Variants in UBE2E3 observed in about 807,000 individuals in gnomAD.
The protein encoded by UBE2E3 is ubiquitin conjugating enzyme E2 E3, also known as ubiquitin-conjugating enzyme E2 E3.
In UBE2E3, 5 loss-of-function variants were observed where a neutral mutation model predicts 23.6. The ratio of observed to expected loss-of-function variants is 0.21; its 90% CI spans 0.11 to 0.44. The LOEUF is 0.44. Among genes scored for constraint, UBE2E3 ranks in the 20% least tolerant of loss-of-function variants. The probability of loss-of-function intolerance (pLI) is 0.99; values close to 1 mark genes in which losing one functional copy is unlikely to be tolerated. For synonymous variants in UBE2E3, 78 were observed against 87.5 expected, an observed-to-expected ratio of 0.89 and a Z score of 0.60; for missense variants, 81 against 249.8, an observed-to-expected ratio of 0.32 and a Z score of 4.55.
intron 3 of UBE2E3, among the ~76,000 whole-genome samples, chr2:180,996,245 T>C (rs1684818128): frequency 6.6e-6 from 1 of 152,216 alleles, no homozygotes; most frequent in Non-Finnish European, 1.5e-5. Flanking sequence ...TTTTGAAAAC[T>C]GAATACTTAT....
intron 3 of UBE2E3, among the ~76,000 whole-genome samples, chr2:181,052,513 G>A (rs1255344404): frequency 6.6e-6 from 1 of 151,822 alleles, no homozygotes; most frequent in Non-Finnish European, 1.5e-5. Flanking sequence ...GCTGTTTAAG[G>A]TATATGCTCA....
chr2:181,046,272 A>G (rs1377969058), intron 3 of UBE2E3, among the ~76,000 whole-genome samples: 1 of 152,206 alleles, frequency 6.6e-6, no homozygotes, highest in Non-Finnish European at 1.5e-5. Context: ...TTCGCAGGTC[A>G]GGGATTCCGT....
At chr2:181,026,433 C>T (rs897273854) in intron 3 of UBE2E3, among the ~76,000 whole-genome samples, 4 of 151,220 alleles carry the variant, frequency 2.6e-5, no homozygotes, top group Non-Finnish European at 5.9e-5. Flanking sequence ...GCTGGTTTCT[C>T]TATCTTGTTT....
chr2:181,002,732 A>G (rs1685025544), intron 3 of UBE2E3, among the ~76,000 whole-genome samples: 1 of 152,240 alleles, frequency 6.6e-6, no homozygotes, highest in Non-Finnish European at 1.5e-5. Context: ...TTAAGGACTT[A>G]AAATAGCCAC....
chr2:181,052,350 C>T (rs978019820), intron 3 of UBE2E3, among the ~76,000 whole-genome samples: 10 of 151,738 alleles, frequency 6.6e-5, no homozygotes, highest in Non-Finnish European at 1.2e-4. Flanking sequence ...TCCTCATCCT[C>T]TTTTTCTCTT....
At chr2:181,013,943 C>CAGAT (rs1685409788) in intron 3 of UBE2E3, among the ~76,000 whole-genome samples, 3 of 152,118 alleles carry the variant, frequency 2.0e-5, no homozygotes, top group Admixed American at 2.0e-4. Flanking sequence ...AGAGCAAGAG[C>CAGAT]AGATGCTGGA....
rs757544681 is a variant in UBE2E3 at position 181,062,879 on chromosome 2, C to T, written c.615C>T (p.Tyr205=). ...TAGCCAGACAGTGGACCAAGAGATA[C>T]GCAACATAATTCACATAATTTGTAT... is the stretch of plus-strand genomic sequence containing the variant. ...DRIARQWTKR[Y]AT The change falls in exon 6 of 6, where the codon TAC becomes TAT. Residue 205 remains tyrosine, a synonymous_variant. Coordinates refer to ENST00000410062, the MANE Select transcript of UBE2E3 (RefSeq NM_006357.4). The T allele has an allele frequency of 6.9e-6, 11 of 1,600,098 alleles. No individual in the cohort carries two copies. The highest frequency in any genetic ancestry group is 6.7e-5 in the South Asian group (6 of 89,696).
At chr2:181,025,245 C>G (rs1478651988) in intron 3 of UBE2E3, among the ~76,000 whole-genome samples, 1 of 151,938 alleles carries the variant, frequency 6.6e-6, no homozygotes, top group Non-Finnish European at 1.5e-5. Flanking sequence ...TATCCACTAG[C>G]CTACTCTCTT....
chr2:181,056,420 G>A (rs1686990623), intron 3 of UBE2E3, among the ~76,000 whole-genome samples: 1 of 151,704 alleles, frequency 6.6e-6, no homozygotes, highest in African/African-American at 2.4e-5. Context: ...ATCTGTTGAG[G>A]GCCTCAGGCT....
chr2:181,002,908 C>G (rs1277797248), intron 3 of UBE2E3, among the ~76,000 whole-genome samples: 1 of 152,230 alleles, frequency 6.6e-6, no homozygotes, highest in Non-Finnish European at 1.5e-5. Flanking sequence ...CCTTTCTTGG[C>G]TAGAGATAAC....
At chr2:180,989,838 T>C (rs1435830071) in intron 3 of UBE2E3, 1 of 1,526,586 alleles carries the variant, frequency 6.6e-7, no homozygotes. Flanking sequence ...ATGCTCTCCT[T>C]AAATGAGTTG....
intron 3 of UBE2E3, among the ~76,000 whole-genome samples, chr2:181,040,785 T>G (rs1266307379): frequency 6.6e-6 from 1 of 152,204 alleles, no homozygotes; most frequent in South Asian, 2.1e-4. Flanking sequence ...TAACAGTTTC[T>G]GGAATTTTTA....
intron 3 of UBE2E3, among the ~76,000 whole-genome samples, chr2:181,022,829 TC>T (rs1315470389): frequency 6.6e-6 from 1 of 152,132 alleles, no homozygotes; most frequent in Non-Finnish European, 1.5e-5. Flanking sequence ...CTCAAATTTT[TC>T]TCCACTCTGC....
At chr2:181,017,482 G>A (rs960465612) in intron 3 of UBE2E3, among the ~76,000 whole-genome samples, 7 of 152,004 alleles carry the variant, frequency 4.6e-5, no homozygotes, top group African/African-American at 1.7e-4. Context: ...ACTGGACTAC[G>A]AATGTGACAA....
At position 180,992,692 on chromosome 2, in the gene UBE2E3, C is replaced by T. The variant is rs147698894; in HGVS notation, c.245+8599C>T. Among the ~76,000 whole-genome samples the T allele has an allele frequency of 3.7e-3, 562 of 152,222 alleles. 2 individuals carry two copies. The highest frequency in any genetic ancestry group is 7.0e-3 in the Non-Finnish European group (474 of 68,014). The stretch of plus-strand genomic sequence containing the variant: ...TTTTTTCTTTTTGGAGACAGAGTCT[C>T]ACTCTGTTACCCAGGCTAGAGTGAA... On this transcript the variant is annotated intron_variant, in intron 3 of 5. Transcript: ENST00000410062.
At chr2:181,054,729 A>G (rs1158963306) in intron 3 of UBE2E3, among the ~76,000 whole-genome samples, 1 of 151,848 alleles carries the variant, frequency 6.6e-6, no homozygotes, top group Non-Finnish European at 1.5e-5. Flanking sequence ...TCTAGGCTGC[A>G]GTTACAGATT....
chr2:181,063,021 C>G lies in UBE2E3; in HGVS notation c.*133C>G, dbSNP rs1411502237. On this transcript the variant is annotated 3_prime_UTR_variant, in exon 6 of 6. Coordinates refer to ENST00000410062, the MANE Select transcript of UBE2E3 (RefSeq NM_006357.4). The surrounding 1 kb of genome is among the most constrained non-coding windows in gnomAD (Gnocchi z 4.1). ...TCTACTCTGCTTTTATCCTTTGGAG[C>G]CTGGGAGACTCCCCAAAAAGGTAAA... The G allele has an allele frequency of 2.2e-6, 1 of 445,868 alleles. No homozygotes were observed. The highest frequency in any genetic ancestry group is 4.0e-6 in the Non-Finnish European group (1 of 250,576). The allele number at this position is 445,868 out of a possible 1,614,324, so 27.6% of individuals were successfully genotyped here.
chr2:181,045,410 G>A (rs1457050482), intron 3 of UBE2E3, among the ~76,000 whole-genome samples: 1 of 152,140 alleles, frequency 6.6e-6, no homozygotes, highest in East Asian at 1.9e-4. Flanking sequence ...ACATCTTTCT[G>A]CACAATAGGA....
intron 3 of UBE2E3, among the ~76,000 whole-genome samples, chr2:181,004,737 G>A (rs1015286392): frequency 6.6e-6 from 1 of 152,166 alleles, no homozygotes; most frequent in East Asian, 1.9e-4. Context: ...CATGCTTACA[G>A]CATGTTTCTT....
Sources: gnomAD v4.1 joint callset for allele counts (sites outside exome capture counted in the v4.1 genomes callset) on GRCh38, gnomAD v4.1.1 for gene constraint, Gnocchi (gnomAD v3.1) non-coding constraint, MANE v1.5 for transcripts, NCBI Gene and HGNC (gene_info 2026-07-23, HGNC 2026-07-21) for gene names.